KCNIP4: variants seen among roughly 807,000 people sequenced by gnomAD.
KCNIP4 encodes Kv channel-interacting protein 4.
In KCNIP4, 12 loss-of-function variants were observed where a neutral mutation model predicts 34.0. The ratio of observed to expected loss-of-function variants is 0.35; its 90% CI spans 0.23 to 0.57. The LOEUF (loss-of-function observed/expected upper bound fraction) is 0.57. Ranked by LOEUF, KCNIP4 falls within the 20% of genes least tolerant of loss-of-function variation. The pLI is 0.83. For synonymous variants in KCNIP4, 124 were observed against 102.2 expected (o/e 1.21, Z -1.29); for missense variants, 238 against 311.7 (o/e 0.76, Z 1.78).
intron 1 of KCNIP4, among the ~76,000 whole-genome samples, chr4:21,200,059 G>A (rs1011829766): frequency 3.3e-5 from 5 of 151,858 alleles, no homozygotes; most frequent in African/African-American, 1.2e-4. Flanking sequence ...GGGAAGCGGG[G>A]AGGGATAGCA....
At chr4:20,826,400 C>A (rs1193998358) in intron 3 of KCNIP4, among the ~76,000 whole-genome samples, 1 of 151,796 alleles carries the variant, frequency 6.6e-6, no homozygotes, top group Non-Finnish European at 1.5e-5. Context: ...CATAGTGAGA[C>A]CCCCATCTCT....
intron 1 of KCNIP4, among the ~76,000 whole-genome samples, chr4:21,137,878 G>C (rs2322871): frequency 9.0e-5 from 12 of 133,902 alleles, no homozygotes; most frequent in African/African-American, 3.4e-4. Flanking sequence ...AGGCTTTTTT[G>C]TTTTTTTTTT....
At chr4:21,270,197 T>C (rs1386259672) in intron 1 of KCNIP4, among the ~76,000 whole-genome samples, 1 of 152,190 alleles carries the variant, frequency 6.6e-6, no homozygotes, top group African/African-American at 2.4e-5. Context: ...TTTCTAGTCA[T>C]GGACTCTGTT....
rs114942623 is a variant in KCNIP4 at position 21,059,182 on chromosome 4, C to T, written c.62-176473G>A. 2.3e-3 allele frequency among the ~76,000 whole-genome samples: 354 copies of T among 152,220 alleles called. 6 individuals carry two copies. The highest frequency in any genetic ancestry group is 0.016 in the South Asian group (78 of 4,826). On this transcript the variant is annotated intron_variant, in intron 1 of 8. Coordinates refer to ENST00000382152, the MANE Select transcript of KCNIP4 (RefSeq NM_025221.6). ...GTATGTTATTATTAGCAAAGTTACACAAGATAACTCTGACACCACAGAACT... is the reference window on the plus strand; with the variant it reads ...GTATGTTATTATTAGCAAAGTTACATAAGATAACTCTGACACCACAGAACT...
intron 1 of KCNIP4, chr4:21,697,697 G>T: frequency 1.6e-6 from 2 of 1,238,966 alleles, no homozygotes; most frequent in Non-Finnish European, 2.0e-6. Context: ...TTCTTCTGTG[G>T]CAACAGACAG....
At chr4:21,198,145 T>G (rs1176618887) in intron 1 of KCNIP4, among the ~76,000 whole-genome samples, 2 of 152,216 alleles carry the variant, frequency 1.3e-5, no homozygotes, top group East Asian at 3.9e-4. Context: ...TGCAGACACT[T>G]GTCATTCCAA....
chr4:20,892,721 C>A (rs949970707), intron 1 of KCNIP4, among the ~76,000 whole-genome samples: 1 of 152,170 alleles, frequency 6.6e-6, no homozygotes, highest in African/African-American at 2.4e-5. Context: ...TATTAGCAAA[C>A]AACTGGATGG....
chr4:20,969,065 A>C (rs1175398128), intron 1 of KCNIP4, among the ~76,000 whole-genome samples: 2 of 152,332 alleles, frequency 1.3e-5, no homozygotes, highest in African/African-American at 4.8e-5. Context: ...AATTTTATGC[A>C]TGCCAATTTT....
At chr4:21,390,318 T>A (rs1417310920) in intron 1 of KCNIP4, among the ~76,000 whole-genome samples, 1 of 152,226 alleles carries the variant, frequency 6.6e-6, no homozygotes, top group Non-Finnish European at 1.5e-5. Context: ...TAGATCCCAA[T>A]TGTCAATTTT....
intron 1 of KCNIP4, among the ~76,000 whole-genome samples, chr4:21,707,835 A>T (rs1178116114): frequency 2.6e-5 from 4 of 151,954 alleles, no homozygotes; most frequent in African/African-American, 9.7e-5. Flanking sequence ...GTTTCCAGTC[A>T]TAGATTTATA....
At chr4:21,516,000 A>G (rs1734726718) in intron 1 of KCNIP4, among the ~76,000 whole-genome samples, 1 of 152,184 alleles carries the variant, frequency 6.6e-6, no homozygotes. Flanking sequence ...CCAGCGTGTT[A>G]TCATCTTCTT....
chr4:20,890,963 C>T (rs915419250), intron 1 of KCNIP4, among the ~76,000 whole-genome samples: 45 of 152,252 alleles, frequency 3.0e-4, no homozygotes, highest in African/African-American at 1.1e-3. Flanking sequence ...ACAGGAAATG[C>T]CATCACATGT....
chr4:21,094,132 T>C (rs1339079693), intron 1 of KCNIP4, among the ~76,000 whole-genome samples: 1 of 152,100 alleles, frequency 6.6e-6, no homozygotes, highest in African/African-American at 2.4e-5. Flanking sequence ...TGCTATACCT[T>C]ATAAAACATT....
At chr4:21,201,296 CA>C (rs1375732853) in intron 1 of KCNIP4, among the ~76,000 whole-genome samples, 1 of 152,078 alleles carries the variant, frequency 6.6e-6, no homozygotes, top group Non-Finnish European at 1.5e-5. Context: ...AAGAGGTTGA[CA>C]TGCTTTGAGA....
chr4:21,577,360 T>C (rs1740823051), intron 1 of KCNIP4, among the ~76,000 whole-genome samples: 2 of 152,152 alleles, frequency 1.3e-5, no homozygotes, highest in African/African-American at 4.8e-5. Flanking sequence ...CTGCGCACTG[T>C]GGCTCACCCC....
At chr4:21,337,066 A>G (rs1716247905) in intron 1 of KCNIP4, among the ~76,000 whole-genome samples, 1 of 151,654 alleles carries the variant, frequency 6.6e-6, no homozygotes, top group South Asian at 2.1e-4. Context: ...GTGGGGTCGT[A>G]AAAGAAGACA....
chr4:21,693,290 G>T (rs1711889733), intron 1 of KCNIP4, among the ~76,000 whole-genome samples: 1 of 152,188 alleles, frequency 6.6e-6, no homozygotes, highest in Non-Finnish European at 1.5e-5. Flanking sequence ...GCTGGGCACG[G>T]TGGCTCATGC....
intron 3 of KCNIP4, among the ~76,000 whole-genome samples, chr4:20,809,426 T>G (rs1371747253): frequency 6.6e-6 from 1 of 152,144 alleles, no homozygotes; most frequent in Non-Finnish European, 1.5e-5. Context: ...CTCCGAGAGG[T>G]CATAACACAC....
chr4:21,321,897 A>G (rs1237797933), intron 1 of KCNIP4, among the ~76,000 whole-genome samples: 7 of 121,790 alleles, frequency 5.7e-5, no homozygotes, highest in African/African-American at 9.5e-5. Context: ...AGGAGGGAGG[A>G]AGGGACAGAG....
Sources: gnomAD v4.1 joint callset for allele counts (sites outside exome capture counted in the v4.1 genomes callset) on GRCh38, gnomAD v4.1.1 for gene constraint, MANE v1.5 for transcripts, NCBI Gene and HGNC (gene_info 2026-07-23, HGNC 2026-07-21) for gene names.